Variants in SMPD4 observed in about 807,000 individuals in gnomAD.
The protein encoded by SMPD4 is sphingomyelin phosphodiesterase 4, also known as neutral sphingomyelinase 3.
SMPD4 carries 58 observed loss-of-function variants against 97.8 expected under a neutral mutation model. The observed-to-expected ratio is 0.59, with a 90% CI of 0.48 to 0.74. The LOEUF (loss-of-function observed/expected upper bound fraction) is 0.74, where lower values mean the gene tolerates loss of function less well. Among genes scored for constraint, SMPD4 ranks in the 30% least tolerant of loss-of-function variants. SMPD4 has a pLI of 0.00. For missense variants in SMPD4, 853 were observed against 1,080.5 expected, an observed-to-expected ratio of 0.79 and a Z score of 2.95; for synonymous variants, 388 against 450.0, an observed-to-expected ratio of 0.86 and a Z score of 1.74.
At position 130,153,333 on chromosome 2, in the gene SMPD4, G is replaced by A. The variant is rs1249940063; in HGVS notation, c.2011C>T (p.Leu671=). The A allele has an allele frequency of 6.2e-7, 1 of 1,613,776 alleles. No individual in the cohort carries two copies. Among genetic ancestry groups the A allele is most frequent in the Non-Finnish European group, 8.5e-7 (1 of 1,180,008 alleles). ...GGGCCTCTCACCTGGTACCGCCCCA[G>A]GGGCGTAAGGATGAGTCCGTCCTCA... ...VGEDGLILTP[L]GRYQIINGLR... Residue 671 remains leucine, a synonymous_variant, in exon 18 of 20, where the codon CTG becomes TTG. Coordinates refer to ENST00000680298, the MANE Select transcript of SMPD4 (RefSeq NM_017951.5).
chr2:130,173,174 G>A (rs1688641518), intron 5 of SMPD4, 105 bp downstream of exon 5: 5 of 1,161,238 alleles, frequency 4.3e-6, no homozygotes, highest in East Asian at 2.4e-5. Context: ...GGAACGAATC[G>A]CTCCTCAATT....
At chr2:130,177,937 C>T (rs1689127159) in intron 1 of SMPD4, among the ~76,000 whole-genome samples, 1 of 152,188 alleles carries the variant, frequency 6.6e-6, no homozygotes, top group Non-Finnish European at 1.5e-5. Flanking sequence ...CATCTAGGTA[C>T]TGCTATGACG....
intron 1 of SMPD4, among the ~76,000 whole-genome samples, chr2:130,178,689 G>A (rs1464964076): frequency 6.6e-6 from 1 of 151,970 alleles, no homozygotes; most frequent in Non-Finnish European, 1.5e-5. Flanking sequence ...CAGCAACTCG[G>A]GAGGCTGAGG....
At chr2:130,158,603 A>G (rs760969728) in intron 11 of SMPD4, among the ~76,000 whole-genome samples, 1 of 152,214 alleles carries the variant, frequency 6.6e-6, no homozygotes, top group Non-Finnish European at 1.5e-5. Flanking sequence ...GATTTGTAAC[A>G]TACAAGCAGG....
chr2:130,164,289 T>C (rs1687710077), intron 10 of SMPD4, 85 bp downstream of exon 10: 2 of 1,216,392 alleles, frequency 1.6e-6, no homozygotes, highest in Non-Finnish European at 1.2e-6. Flanking sequence ...ATCCAGCCTG[T>C]GAAAACTCAC....
upstream of SMPD4, chr2:130,181,709 G>C (rs1481431356): frequency 3.2e-6 from 5 of 1,548,350 alleles, no homozygotes; most frequent in African/African-American, 1.4e-5. Context: ...CGGCCGGGCG[G>C]GGAAGAGAAA....
intron 9 of SMPD4, among the ~76,000 whole-genome samples, chr2:130,166,202 G>A (rs558296068): frequency 1.4e-3 from 207 of 151,206 alleles, no homozygotes; most frequent in African/African-American, 4.2e-3. Context: ...CTAGCTACTC[G>A]GGGGGCTGAG....
Position 130,173,243 on chromosome 2 carries a change from C to G in SMPD4, c.345+36G>C. On this transcript the variant is annotated intron_variant, in intron 5 of 19. Coordinates refer to ENST00000680298, the MANE Select transcript of SMPD4 (RefSeq NM_017951.5). Reference sequence around the variant, plus strand: ...CCACAGGGCTGTGCAAGGCCCACTGCCCCGAGCACCACTCTCGCCACTGTG... The same window carrying G: ...CCACAGGGCTGTGCAAGGCCCACTGGCCCGAGCACCACTCTCGCCACTGTG... 3 of 1,598,840 alleles carry G rather than the reference C, an allele frequency of 1.9e-6. No homozygotes were observed. In the African/African-American group the frequency reaches 4.0e-5, roughly 21 times the overall value.
At chr2:130,167,811 T>C (rs767940785) in intron 8 of SMPD4, among the ~76,000 whole-genome samples, 13 of 152,282 alleles carry the variant, frequency 8.5e-5, no homozygotes, top group South Asian at 8.3e-4. Context: ...AGAGTGACCA[T>C]TGACCCACAA....
chr2:130,172,585 G>T (rs770400010), intron 7 of SMPD4, 40 bp downstream of exon 7: 4 of 1,613,648 alleles, frequency 2.5e-6, no homozygotes, highest in Admixed American at 3.3e-5. Flanking sequence ...GCCCTGGGCC[G>T]TGGCCCCACC....
At chr2:130,154,586 A>T in intron 15 of SMPD4, 104 bp from the exon 16 acceptor site, 1 of 1,498,016 alleles carries the variant, frequency 6.7e-7, no homozygotes, top group Non-Finnish European at 9.1e-7. Flanking sequence ...GGGAGCCATG[A>T]CCCAGGGGTG....
At chr2:130,171,216 C>T (rs1364563137) in intron 8 of SMPD4, among the ~76,000 whole-genome samples, 7 of 151,294 alleles carry the variant, frequency 4.6e-5, no homozygotes, top group Non-Finnish European at 7.4e-5. Flanking sequence ...GCAATTCTCC[C>T]GCCTCAACCT....
chr2:130,175,418 C>T (rs544450139), intron 2 of SMPD4, among the ~76,000 whole-genome samples: 2 of 151,688 alleles, frequency 1.3e-5, no homozygotes, highest in African/African-American at 4.8e-5. Flanking sequence ...GATGGACCAC[C>T]GTGATTACAC....
intron 1 of SMPD4, among the ~76,000 whole-genome samples, chr2:130,178,744 A>C (rs1194328383): frequency 6.6e-6 from 1 of 151,924 alleles, no homozygotes; most frequent in African/African-American, 2.4e-5. Context: ...GCAGTGAGCC[A>C]AGATCACACC....
At chr2:130,159,988 T>C (rs899256013) in intron 11 of SMPD4, among the ~76,000 whole-genome samples, 5 of 152,170 alleles carry the variant, frequency 3.3e-5, no homozygotes, top group African/African-American at 9.7e-5. Context: ...TCCCATAGGT[T>C]TGCTGAGCCA....
At chr2:130,165,447 A>C (rs1046522498) in intron 9 of SMPD4, among the ~76,000 whole-genome samples, 25 of 152,128 alleles carry the variant, frequency 1.6e-4, no homozygotes, top group Admixed American at 5.9e-4. Flanking sequence ...CAAAAAAAAA[A>C]CCCAGCAACT....
intron 8 of SMPD4, among the ~76,000 whole-genome samples, chr2:130,168,184 G>A (rs1479753994): frequency 6.6e-6 from 1 of 152,180 alleles, no homozygotes; most frequent in Non-Finnish European, 1.5e-5. Flanking sequence ...CCACCCTGGG[G>A]TGACAGAGCA....
At chr2:130,178,929 C>T (rs1298690235) in intron 1 of SMPD4, among the ~76,000 whole-genome samples, 1 of 152,134 alleles carries the variant, frequency 6.6e-6, no homozygotes, top group Non-Finnish European at 1.5e-5. Context: ...TGCCAAGTCC[C>T]ACTGGTGGGC....
chr2:130,181,393 G>A (rs1689612201), intron 1 of SMPD4, 137 bp downstream of exon 1: 4 of 1,464,048 alleles, frequency 2.7e-6, no homozygotes, highest in Non-Finnish European at 2.7e-6. Context: ...CCACTCCCCA[G>A]CCTGCCCTGC....
Sources: allele counts gnomAD v4.1 joint callset (sites outside exome capture counted in the v4.1 genomes callset), GRCh38; gene constraint gnomAD v4.1.1; transcripts MANE v1.5; gene names NCBI Gene and HGNC (gene_info 2026-07-23, HGNC 2026-07-21).